Variants in FAM228B observed in about 807,000 individuals in gnomAD.
The protein encoded by FAM228B is family with sequence similarity 228 member B.
A neutral mutation model predicts 42.6 loss-of-function variants in FAM228B; 38 were observed. The ratio of observed to expected loss-of-function variants is 0.89; its 90% CI spans 0.69 to 1.17. The LOEUF (loss-of-function observed/expected upper bound fraction) is 1.17, where lower values mean the gene tolerates loss of function less well. Ranked by LOEUF, FAM228B falls within the 50% of genes most tolerant of loss-of-function variation. The pLI is 0.00. For missense variants in FAM228B, 344 were observed against 367.3 expected (o/e 0.94, Z 0.52); for synonymous variants, 109 against 122.3 (o/e 0.89, Z 0.72).
At chr2:24,151,978 C>A (rs551287165) in intron 7 of FAM228B, among the ~76,000 whole-genome samples, 2 of 152,228 alleles carry the variant, frequency 1.3e-5, no homozygotes, top group East Asian at 3.9e-4. Context: ...AAGCAATTCT[C>A]CTGCCTCAGC....
intron 3 of FAM228B, among the ~76,000 whole-genome samples, chr2:24,114,904 C>G (rs977734689): frequency 6.6e-6 from 1 of 152,114 alleles, no homozygotes; most frequent in Admixed American, 6.5e-5. Context: ...GGGTTAGAGT[C>G]AGAAATCTTT....
chr2:24,136,690 C>A (rs758945416), intron 3 of FAM228B, among the ~76,000 whole-genome samples: 14 of 152,092 alleles, frequency 9.2e-5, no homozygotes, highest in Non-Finnish European at 1.3e-4. Context: ...AGGCCCAGCC[C>A]AAATGTCTCC....
chr2:24,086,518 C>T (rs1665257781), intron 2 of FAM228B, among the ~76,000 whole-genome samples: 1 of 151,798 alleles, frequency 6.6e-6, no homozygotes, highest in Non-Finnish European at 1.5e-5. Flanking sequence ...CCTCCTTCCC[C>T]ACCCCCTCTT....
At chr2:24,128,800 G>A (rs1170190543) in intron 2 of FAM228B, among the ~76,000 whole-genome samples, 3 of 151,832 alleles carry the variant, frequency 2.0e-5, no homozygotes, top group Non-Finnish European at 2.9e-5. Context: ...ATTCTTTCAG[G>A]TCTTGCCTCC....
Position 24,084,619 on chromosome 2 carries a change from C to A in FAM228B, c.-210+3664C>A. 2.8e-6 allele frequency: 1 copy of A among 362,292 alleles called. No homozygotes were observed. The highest frequency in any genetic ancestry group is 5.5e-5 in the South Asian group (1 of 18,088). The allele number at this position is 362,292 out of a possible 1,614,324, so 22.4% of individuals were successfully genotyped here. ...CGGGAAGTGGGATGGCGGTACAGGG[C>A]TGGATGCGGCAGAGCAGGACAACGC... On this transcript the variant is annotated intron_variant, in intron 2 of 10. Coordinates refer to the FAM228B transcript ENST00000613899. The surrounding 1 kb of genome is among the most constrained non-coding windows in gnomAD (Gnocchi z 8.4).
chr2:24,135,059 C>A, intron 2 of FAM228B, 60 bp from the exon 3 acceptor site: 1 of 1,049,396 alleles, frequency 9.5e-7, no homozygotes, highest in Non-Finnish European at 1.4e-6. Flanking sequence ...TATAATGATT[C>A]CAGATAGCAC....
intron 5 of FAM228B, among the ~76,000 whole-genome samples, chr2:24,144,598 G>A (rs1405539380): frequency 6.6e-6 from 1 of 152,172 alleles, no homozygotes; most frequent in East Asian, 1.9e-4. Context: ...AGGTGAGGCA[G>A]CCTGCTCGGC....
At chr2:24,086,234 C>CAAAAAAAAAAAAAAAAAA (rs57641176) in intron 2 of FAM228B, among the ~76,000 whole-genome samples, 4 of 63,944 alleles carry the variant, frequency 6.3e-5, no homozygotes, top group African/African-American at 2.4e-4. Flanking sequence ...GACTCCGTCT[C>CAAAAAAAAAAAAAAAAAA]AAAAAAAAAA....
chr2:24,158,969 C>G (rs1378681299), intron 7 of FAM228B, among the ~76,000 whole-genome samples: 1 of 152,160 alleles, frequency 6.6e-6, no homozygotes, highest in African/African-American at 2.4e-5. Flanking sequence ...TGTCTCTTTC[C>G]TAGCTACTGA....
At chr2:24,085,355 A>G (rs1009064362) in intron 2 of FAM228B, 1 of 152,162 alleles carries the variant, frequency 6.6e-6, no homozygotes, top group Non-Finnish European at 1.5e-5. Context: ...CGTAAGCTAC[A>G]TGAAGGTTTC....
At chr2:24,111,165 AC>A (rs947325112) in intron 3 of FAM228B, among the ~76,000 whole-genome samples, 10 of 151,974 alleles carry the variant, frequency 6.6e-5, no homozygotes, top group African/African-American at 2.2e-4. Context: ...GGCTCAAGCA[AC>A]CCTTCTGCCT....
At chr2:24,143,388 G>A (rs540363941) in intron 5 of FAM228B, among the ~76,000 whole-genome samples, 13 of 152,216 alleles carry the variant, frequency 8.5e-5, no homozygotes, top group Admixed American at 2.0e-4. Flanking sequence ...TAGAGATGGG[G>A]TTTCATCGTG....
intron 3 of FAM228B, among the ~76,000 whole-genome samples, chr2:24,136,476 G>A (rs895899252): frequency 2.0e-5 from 3 of 152,042 alleles, no homozygotes; most frequent in Admixed American, 6.6e-5. Context: ...TGCCCACCTC[G>A]GCCTCCCAAA....
At chr2:24,103,360 A>T (rs1665643516) in intron 3 of FAM228B, among the ~76,000 whole-genome samples, 1 of 152,254 alleles carries the variant, frequency 6.6e-6, no homozygotes, top group Non-Finnish European at 1.5e-5. Context: ...GGAACCCCTT[A>T]AATCCATTCA....
Position 24,167,694 on chromosome 2 carries a change from T to A in FAM228B, c.*14+11T>A, listed in dbSNP as rs1169078992. 1 of 1,551,390 alleles carries A rather than the reference T, an allele frequency of 6.4e-7. No homozygotes were observed. Among genetic ancestry groups the A allele is most frequent in the Non-Finnish European group, 8.7e-7 (1 of 1,146,760 alleles). ...AGAAAGAAGAGGGAGGTAGATGTCT[T>A]CTCTCTTTCCCTTCTTACTCTCCTA... On this transcript the variant is annotated intron_variant, in intron 10 of 10. Transcript: ENST00000615575.
chr2:24,077,810 T>C lies in FAM228B; in HGVS notation c.-290+841T>C. ...TCAGCCTGGGGAGAGAGCCTCACCC[T>C]GCCCTCCTCATCCTCCTCAGCCTTC... On this transcript the variant is annotated intron_variant, in intron 1 of 10. Transcript: ENST00000613899. This position sits in a 1 kb window ranked among gnomAD's most constrained non-coding sequence, Gnocchi z 5.5. 6.4e-7 allele frequency: 1 copy of C among 1,564,242 alleles called. No homozygotes were observed. The highest frequency in any genetic ancestry group is 8.7e-7 in the Non-Finnish European group (1 of 1,150,830).
chr2:24,168,584 G>A (rs1667485161), intron 10 of FAM228B, among the ~76,000 whole-genome samples: 1 of 152,196 alleles, frequency 6.6e-6, no homozygotes, highest in African/African-American at 2.4e-5. Flanking sequence ...ATTGGGGTGA[G>A]GAAGTGGAGA....
intron 3 of FAM228B, among the ~76,000 whole-genome samples, chr2:24,102,212 A>G (rs532481933): frequency 2.0e-5 from 3 of 152,050 alleles, no homozygotes; most frequent in South Asian, 2.1e-4. Flanking sequence ...AAACCACCCA[A>G]TCTGTTACTC....
chr2:24,081,776 C>T (rs554068297), intron 2 of FAM228B, among the ~76,000 whole-genome samples: 1 of 150,990 alleles, frequency 6.6e-6, no homozygotes, highest in Admixed American at 6.6e-5. Flanking sequence ...GCAAGCTCTG[C>T]CCCACCCCCC....
Sources: allele counts gnomAD v4.1 joint callset (sites outside exome capture counted in the v4.1 genomes callset), GRCh38; gene constraint gnomAD v4.1.1; non-coding constraint Gnocchi (gnomAD v3.1); transcripts MANE v1.5; gene names NCBI Gene and HGNC (gene_info 2026-07-23, HGNC 2026-07-21).